The following PSD2 variants were observed in gnomAD, a reference collection of about 807,000 sequenced individuals.
PSD2 encodes the protein pleckstrin and Sec7 domain containing 2.
In PSD2, 38 loss-of-function variants were observed where a neutral mutation model predicts 69.8. The ratio of observed to expected loss-of-function variants is 0.54; its 90% CI spans 0.42 to 0.71. The LOEUF is 0.71. Among genes scored for constraint, PSD2 ranks in the 30% least tolerant of loss-of-function variants. The pLI, the probability that PSD2 is intolerant of heterozygous loss-of-function variation, is 0.00. For synonymous variants in PSD2, 412 were observed against 423.0 expected, an observed-to-expected ratio of 0.97 and a Z score of 0.32; for missense variants, 943 against 1,014.5, an observed-to-expected ratio of 0.93 and a Z score of 0.96.
rs142380601 is a variant in PSD2 at position 139,809,501 on chromosome 5, G to C, written c.61G>C (p.Gly21Arg). The C allele has an allele frequency of 6.2e-7, 1 of 1,612,632 alleles. No individual in the cohort carries two copies. The highest frequency in any genetic ancestry group is 1.3e-5 in the African/African-American group (1 of 74,890). Residue 21 changes from glycine to arginine, a missense_variant, in exon 2 of 15, where the codon GGT becomes CGT. Physicochemically the swap from Gly to Arg is moderately radical, Grantham distance 125. Transcript: ENST00000274710. The part of the protein sequence containing the change: ...PEEGDATRDP[G>R]PEPEEEPGVR... ...GGAAGGCGATGCCACCCGTGACCCC[G>C]GTCCAGAGCCTGAAGAGGAGCCAGG...
At chr5:139,783,814 T>G in the PSD2 span, among the ~76,000 whole-genome samples, 1 of 152,146 alleles carries the variant, frequency 6.6e-6, no homozygotes, top group Non-Finnish European at 1.5e-5. Flanking sequence ...CTCAGTCTCA[T>G]TTCTCCTCGA....
chr5:139,754,608 G>T, the PSD2 span, among the ~76,000 whole-genome samples: 1 of 152,200 alleles, frequency 6.6e-6, no homozygotes, highest in East Asian at 1.9e-4. Flanking sequence ...GAGGTGGGAG[G>T]ATTGCTTGAT....
At chr5:139,822,847 C>G (rs1581727087) in intron 7 of PSD2, 63 bp downstream of exon 7, 1 of 1,408,766 alleles carries the variant, frequency 7.1e-7, no homozygotes, top group South Asian at 1.4e-5. Context: ...TGTGTTGATC[C>G]CGGCCCCTTC....
chr5:139,786,780 A>G, the PSD2 span, among the ~76,000 whole-genome samples: 1 of 152,164 alleles, frequency 6.6e-6, no homozygotes, highest in Non-Finnish European at 1.5e-5. Flanking sequence ...TCAAAGCTGG[A>G]CGTAAGCTCA....
At chr5:139,759,408 CGA>C in the PSD2 span, among the ~76,000 whole-genome samples, 4 of 148,226 alleles carry the variant, frequency 2.7e-5, no homozygotes, top group Non-Finnish European at 6.0e-5. Flanking sequence ...ATGCTGCCCC[CGA>C]TCGCGGTCAC....
At chr5:139,787,464 G>T in the PSD2 span, among the ~76,000 whole-genome samples, 1 of 152,246 alleles carries the variant, frequency 6.6e-6, no homozygotes. Flanking sequence ...CTTCATAGGA[G>T]TGCTGTAAGG....
the PSD2 span, among the ~76,000 whole-genome samples, chr5:139,764,382 G>A: frequency 2.3e-3 from 346 of 152,322 alleles, 2 homozygotes; most frequent in African/African-American, 7.6e-3. Flanking sequence ...CAGCTGGGGC[G>A]CGTACGTACA....
At chr5:139,788,188 C>A in the PSD2 span, among the ~76,000 whole-genome samples, 12 of 144,422 alleles carry the variant, frequency 8.3e-5, no homozygotes, top group Admixed American at 2.1e-4. Context: ...CGCCCCCCCC[C>A]GAACCCGTGC....
rs775384864 is a variant in PSD2 at position 139,839,977 on chromosome 5, C to T, written c.1969-50C>T. 6.2e-7 allele frequency: 1 copy of T among 1,605,100 alleles called. No homozygotes were observed. The highest frequency in any genetic ancestry group is 1.7e-5 in the Admixed American group (1 of 59,828). On this transcript the variant is annotated intron_variant, in intron 13 of 14. Transcript: ENST00000274710. The surrounding 1 kb of genome is among the most constrained non-coding windows in gnomAD (Gnocchi z 5.1). The stretch of plus-strand genomic sequence containing the variant: ...CTGGTAGAACAGGATTTGAGCCACT[C>T]CGTGACATCCTGAGAGTAAGGCCTC...
Position 139,830,626 on chromosome 5 carries a change from C to CTCTTTCTTTCTTTCTTTTTCTT in PSD2, c.1270-3059_1270-3058insTTCTTTCTTTCTTTCTTTCTTT, listed in dbSNP as rs1760568352. On this transcript the variant is annotated intron_variant, in intron 7 of 14. Transcript: ENST00000274710. ...TTTCTTTCTCTTTCTTTCTTTCTTT[C>CTCTTTCTTTCTTTCTTTTTCTT]TCTTTCTTTCTTTCTTTCTTTCTTT... Among the ~76,000 whole-genome samples, 7 of 97,676 alleles carry CTCTTTCTTTCTTTCTTTTTCTT rather than the reference C, an allele frequency of 7.2e-5. No homozygotes were observed. In the East Asian group the frequency reaches 1.8e-3, roughly 25 times the overall value. 64.1% of individuals were successfully genotyped at this position (97,676 alleles called of 152,430 possible).
At chr5:139,747,850 G>C in the PSD2 span, among the ~76,000 whole-genome samples, 1 of 152,276 alleles carries the variant, frequency 6.6e-6, no homozygotes, top group African/African-American at 2.4e-5. This position sits in a 1 kb window ranked among gnomAD's most constrained non-coding sequence, Gnocchi z 6.7. Context: ...GGGGGTGTAG[G>C]GGGAGGCGGC....
In PSD2 at chr5:139,843,527, T is replaced by G. The variant is rs1399364153; in HGVS notation, c.*1053T>G. The G allele has an allele frequency of 6.6e-6, 1 of 152,212 alleles. No homozygotes were observed. Among genetic ancestry groups the G allele is most frequent in the African/African-American group, 2.4e-5 (1 of 41,450 alleles). The allele number at this position is 152,212 out of a possible 1,614,324, so 9.4% of individuals were successfully genotyped here. ...GGCCTCTTGGACAGATCTACTGCTA[T>G]AGGAATAAAAGACACTCTGTCTCGC... is the stretch of plus-strand genomic sequence containing the variant. On this transcript the variant is annotated 3_prime_UTR_variant, in exon 15 of 15. Transcript: ENST00000274710.
intron 1 of PSD2, among the ~76,000 whole-genome samples, 160 bp from the exon 2 acceptor site, chr5:139,809,231 T>G (rs1336282425): frequency 4.6e-5 from 7 of 152,184 alleles, no homozygotes; most frequent in Admixed American, 6.5e-5. Flanking sequence ...GAGGGCAGCA[T>G]GGCCCGAACC....
chr5:139,810,262 A>C (rs1759925618), intron 2 of PSD2, among the ~76,000 whole-genome samples: 1 of 152,192 alleles, frequency 6.6e-6, no homozygotes, highest in Non-Finnish European at 1.5e-5. Context: ...ATCGTCAGGA[A>C]GTTCTACCAG....
chr5:139,746,576 A>T, the PSD2 span, among the ~76,000 whole-genome samples: 4 of 152,150 alleles, frequency 2.6e-5, no homozygotes, highest in Non-Finnish European at 5.9e-5. This position sits in a 1 kb window ranked among gnomAD's most constrained non-coding sequence, Gnocchi z 4.5. Flanking sequence ...AGGCCCGAGA[A>T]GTGAGGCACC....
At chr5:139,743,205 G>C in the PSD2 span, among the ~76,000 whole-genome samples, 19 of 152,340 alleles carry the variant, frequency 1.2e-4, no homozygotes, top group Non-Finnish European at 1.9e-4. Context: ...GCTCTCCAAA[G>C]TCTTGGGGGA....
chr5:139,822,419 A>G (rs1760293358), intron 6 of PSD2, among the ~76,000 whole-genome samples: 1 of 152,226 alleles, frequency 6.6e-6, no homozygotes, highest in Non-Finnish European at 1.5e-5. Flanking sequence ...ACACAGGTCA[A>G]TGCAGGGGCA....
chr5:139,759,814 G>A, the PSD2 span, among the ~76,000 whole-genome samples: 46 of 152,360 alleles, frequency 3.0e-4, no homozygotes, highest in East Asian at 8.1e-3. Flanking sequence ...GAGGATGGCC[G>A]CCTGGGCACA....
chr5:139,776,657 T>TG, the PSD2 span, among the ~76,000 whole-genome samples: 2 of 149,852 alleles, frequency 1.3e-5, no homozygotes, highest in African/African-American at 5.0e-5. Flanking sequence ...TTTGCTCAGG[T>TG]CATTCTGAGC....
Sources: gnomAD v4.1 joint callset for allele counts (sites outside exome capture counted in the v4.1 genomes callset) on GRCh38, gnomAD v4.1.1 for gene constraint, Gnocchi (gnomAD v3.1) non-coding constraint, MANE v1.5 for transcripts, NCBI Gene and HGNC (gene_info 2026-07-23, HGNC 2026-07-21) for gene names.